The following EHD4 variants were observed in gnomAD, a reference collection of about 807,000 sequenced individuals.
The protein encoded by EHD4 is EH domain containing 4.
In EHD4, 37 loss-of-function variants were observed where a neutral mutation model predicts 51.0. That is an observed-to-expected ratio of 0.73 (90% CI 0.56 to 0.95). The LOEUF (loss-of-function observed/expected upper bound fraction) is 0.95, where lower values mean the gene tolerates loss of function less well. EHD4 is among the 40% of genes least tolerant of loss of function. EHD4 has a pLI of 0.00. For synonymous variants in EHD4, 297 were observed against 317.3 expected (o/e 0.94, Z 0.68); for missense variants, 632 against 733.1 (o/e 0.86, Z 1.59).
In EHD4 at chr15:41,919,515, T is replaced by A; in HGVS notation, c.619A>T (p.Ile207Phe). ...LDISDEFSEA[I>F]KAFRGQDDKI... ...TCGTCCTGGCCCCGGAAGGCCTTGATGGCCTCTGAGAATTCATCTGAGATG... is the reference window on the plus strand; with the variant it reads ...TCGTCCTGGCCCCGGAAGGCCTTGAAGGCCTCTGAGAATTCATCTGAGATG... Residue 207 changes from isoleucine (I) to phenylalanine (F), a missense_variant, in exon 4 of 6, where the codon ATC becomes TTC. By Grantham distance (21) the Ile-to-Phe change is conservative (BLOSUM62 0). Transcript: ENST00000220325. The A allele has an allele frequency of 6.5e-7, 1 of 1,547,770 alleles. No homozygotes were observed. Among genetic ancestry groups the A allele is most frequent in the Non-Finnish European group, 8.7e-7 (1 of 1,150,276 alleles).
Position 41,900,633 on chromosome 15 carries a change from G to A in EHD4, c.*12C>T. ...GGTCCCCCAGTTCCCACCCCGTTCT[G>A]CAGCCCACCCCTCAGTCGGCCTTGG... On this transcript the variant is annotated 3_prime_UTR_variant, in exon 6 of 6. Coordinates refer to ENST00000220325, the MANE Select transcript of EHD4 (RefSeq NM_139265.4). The surrounding 1 kb of genome is among the most constrained non-coding windows in gnomAD (Gnocchi z 4.8). 1 of 1,570,978 alleles carries A rather than the reference G, an allele frequency of 6.4e-7. No homozygotes were observed. The highest frequency in any genetic ancestry group is 1.1e-5 in the South Asian group (1 of 87,222).
intron 1 of EHD4, among the ~76,000 whole-genome samples, chr15:41,962,697 G>A (rs1317374041): frequency 3.3e-5 from 5 of 151,878 alleles, no homozygotes; most frequent in South Asian, 2.1e-4. Flanking sequence ...CCACCCGGCC[G>A]CCGCCCCGTC....
chr15:41,970,931 C>T (rs1456685754), intron 1 of EHD4, among the ~76,000 whole-genome samples: 1 of 152,208 alleles, frequency 6.6e-6, no homozygotes, highest in African/African-American at 2.4e-5. Context: ...TACTGTAATA[C>T]AGCTATGGTT....
chr15:41,920,936 G>C (rs149115660), intron 3 of EHD4, among the ~76,000 whole-genome samples: 2 of 152,200 alleles, frequency 1.3e-5, no homozygotes, highest in Admixed American at 6.5e-5. Flanking sequence ...GGTTGGCTGT[G>C]GGGGTGGAGA....
rs981588866 is a variant in EHD4, at chr15:41,942,994, C to G, written c.511+73G>C. 1.0e-5 allele frequency: 14 copies of G among 1,372,116 alleles called. No individual in the cohort carries two copies. In the Admixed American group the frequency reaches 1.8e-4, roughly 17 times the overall value. The allele number at this position is 1,372,116 out of a possible 1,614,324, so 85.0% of individuals were successfully genotyped here. A position where few individuals can be genotyped will look rare whatever the true frequency, so the allele number is the denominator to read the frequency against. Reference sequence around the variant, plus strand: ...GAGGACGGATAGAATAATATAGGGACAGAAATCCTCTGCTCACAGCAGAGA... The same window carrying G: ...GAGGACGGATAGAATAATATAGGGAGAGAAATCCTCTGCTCACAGCAGAGA... On this transcript the variant is annotated intron_variant, in intron 3 of 5. Coordinates refer to ENST00000220325, the MANE Select transcript of EHD4 (RefSeq NM_139265.4).
intron 3 of EHD4, among the ~76,000 whole-genome samples, chr15:41,935,889 G>C (rs1015828968): frequency 1.3e-5 from 2 of 152,202 alleles, no homozygotes; most frequent in Non-Finnish European, 2.9e-5. Context: ...CAGCTCAACT[G>C]AGCTGGTTCT....
intron 3 of EHD4, among the ~76,000 whole-genome samples, chr15:41,929,798 T>C (rs1286460052): frequency 6.6e-6 from 1 of 152,186 alleles, no homozygotes; most frequent in Admixed American, 6.5e-5. Context: ...AACAGTAAGC[T>C]TCTTTGAAAT....
intron 3 of EHD4, among the ~76,000 whole-genome samples, chr15:41,936,735 C>T (rs984625250): frequency 6.6e-6 from 1 of 152,198 alleles, no homozygotes; most frequent in African/African-American, 2.4e-5. Context: ...CCGGGGCTGG[C>T]GAACGCTGTT....
intron 5 of EHD4, among the ~76,000 whole-genome samples, chr15:41,907,512 T>C (rs2067520224): frequency 6.6e-6 from 1 of 152,164 alleles, no homozygotes; most frequent in Admixed American, 6.5e-5. Context: ...CATTTCTCTG[T>C]TGTGTGTGCG....
At chr15:41,931,967 G>A (rs908386545) in intron 3 of EHD4, among the ~76,000 whole-genome samples, 44 of 151,656 alleles carry the variant, frequency 2.9e-4, no homozygotes, top group African/African-American at 8.7e-4. Context: ...GAGCCGCCGC[G>A]CCCAGCCAGC....
chr15:41,940,885 A>G (rs1421731120), intron 3 of EHD4, among the ~76,000 whole-genome samples: 1 of 152,234 alleles, frequency 6.6e-6, no homozygotes, highest in African/African-American at 2.4e-5. Context: ...AGGCCTACCA[A>G]TGAAAACAAA....
chr15:41,961,919 G>A (rs893422940), intron 1 of EHD4, among the ~76,000 whole-genome samples: 5 of 152,136 alleles, frequency 3.3e-5, no homozygotes, highest in African/African-American at 1.2e-4. Flanking sequence ...CTGACAAGCT[G>A]TCAGAATAAC....
chr15:41,917,661 C>A (rs987139110), intron 4 of EHD4, among the ~76,000 whole-genome samples: 4 of 152,218 alleles, frequency 2.6e-5, no homozygotes, highest in Non-Finnish European at 5.9e-5. Context: ...ACCAAGGGAT[C>A]ACCGAGTGGA....
At chr15:41,932,104 T>A (rs895126460) in intron 3 of EHD4, among the ~76,000 whole-genome samples, 1 of 152,212 alleles carries the variant, frequency 6.6e-6, no homozygotes, top group African/African-American at 2.4e-5. Context: ...TGGCACTGTT[T>A]GTAACGGCAA....
At chr15:41,953,409 AG>A (rs2067865932) in intron 2 of EHD4, among the ~76,000 whole-genome samples, 1 of 152,158 alleles carries the variant, frequency 6.6e-6, no homozygotes, top group Non-Finnish European at 1.5e-5. Context: ...TTGCAGAGAC[AG>A]GGTCTTACTT....
intron 1 of EHD4, among the ~76,000 whole-genome samples, chr15:41,955,444 C>T (rs561559808): frequency 6.6e-6 from 1 of 152,194 alleles, no homozygotes; most frequent in East Asian, 1.9e-4. Flanking sequence ...GGGTGTGTCA[C>T]TTGGCATGAG....
At chr15:41,940,593 C>T (rs1173134964) in intron 3 of EHD4, among the ~76,000 whole-genome samples, 1 of 152,192 alleles carries the variant, frequency 6.6e-6, no homozygotes, top group East Asian at 1.9e-4. Flanking sequence ...CTGGGTCCTT[C>T]CCCACCTGTT....
intron 4 of EHD4, among the ~76,000 whole-genome samples, chr15:41,918,068 CAAG>C (rs911459452): frequency 1.1e-3 from 163 of 152,262 alleles, no homozygotes; most frequent in African/African-American, 3.6e-3. Context: ...TAATGAGCAG[CAAG>C]AAGGAGGAAG....
chr15:41,969,564 G>T (rs1027527283), intron 1 of EHD4, among the ~76,000 whole-genome samples: 4 of 152,064 alleles, frequency 2.6e-5, no homozygotes, highest in African/African-American at 9.7e-5. Flanking sequence ...AAATTGTGTA[G>T]TTTGCATTCA....
Sources: allele counts gnomAD v4.1 joint callset (sites outside exome capture counted in the v4.1 genomes callset), GRCh38; gene constraint gnomAD v4.1.1; non-coding constraint Gnocchi (gnomAD v3.1); transcripts MANE v1.5; gene names NCBI Gene and HGNC (gene_info 2026-07-23, HGNC 2026-07-21).